The following PPFIA2 variants were observed in gnomAD, a reference collection of about 807,000 sequenced individuals.
The protein encoded by PPFIA2 is liprin-alpha-2.
PPFIA2 carries 46 observed loss-of-function variants against 175.5 expected under a neutral mutation model. That is an observed-to-expected ratio of 0.26 (90% CI 0.21 to 0.34). The LOEUF (loss-of-function observed/expected upper bound fraction) is 0.34. Among genes scored for constraint, PPFIA2 ranks in the 10% least tolerant of loss-of-function variants. PPFIA2 has a pLI of 1.00. For missense variants in PPFIA2, 1,179 were observed against 1,506.1 expected (o/e 0.78, Z 3.60); for synonymous variants, 568 against 511.4 (o/e 1.11, Z -1.49).
chr12:81,455,951 G>T (rs1385047252), intron 5 of PPFIA2, among the ~76,000 whole-genome samples: 3 of 152,072 alleles, frequency 2.0e-5, no homozygotes, highest in African/African-American at 7.2e-5. Flanking sequence ...AAAGGAGTAA[G>T]GGGCTGAAGA....
At chr12:81,694,132 G>A (rs1269020787) in intron 3 of PPFIA2, among the ~76,000 whole-genome samples, 2 of 152,084 alleles carry the variant, frequency 1.3e-5, no homozygotes, top group African/African-American at 4.8e-5. Flanking sequence ...AGAAAGAAAA[G>A]AGTTTTTATT....
At chr12:81,685,642 T>C (rs2074331400) in intron 3 of PPFIA2, among the ~76,000 whole-genome samples, 1 of 151,938 alleles carries the variant, frequency 6.6e-6, no homozygotes, top group African/African-American at 2.4e-5. Context: ...CTTTAAGGAT[T>C]TTTCAGTCCA....
intron 21 of PPFIA2, among the ~76,000 whole-genome samples, chr12:81,333,080 A>C (rs1000623731): frequency 2.0e-5 from 3 of 152,170 alleles, no homozygotes; most frequent in Non-Finnish European, 2.9e-5. Flanking sequence ...CAGTCCAATC[A>C]GCTTTCCAAT....
At chr12:81,702,429 T>G (rs1208296248) in intron 3 of PPFIA2, among the ~76,000 whole-genome samples, 1 of 152,188 alleles carries the variant, frequency 6.6e-6, no homozygotes. Context: ...ATCACTCCAG[T>G]GAAATCAATC....
intron 13 of PPFIA2, 47 bp downstream of exon 13, chr12:81,368,678 T>C: frequency 6.4e-7 from 1 of 1,560,726 alleles, no homozygotes; most frequent in Non-Finnish European, 8.7e-7. Context: ...AAAACAAACA[T>C]GAGCATTGCA....
At chr12:81,599,523 T>A (rs148913614) in intron 4 of PPFIA2, among the ~76,000 whole-genome samples, 1,579 of 152,136 alleles carry the variant, frequency 0.01, 31 homozygotes, top group African/African-American at 0.033. Flanking sequence ...AATTTCTGAT[T>A]TATAGAAAAT....
intron 22 of PPFIA2, among the ~76,000 whole-genome samples, chr12:81,315,374 G>T (rs2052083082): frequency 6.6e-6 from 1 of 151,816 alleles, no homozygotes; most frequent in Non-Finnish European, 1.5e-5. Flanking sequence ...GTGACCAAAT[G>T]AAAGTGGAGT....
At chr12:81,615,222 C>A (rs950646539) in intron 4 of PPFIA2, among the ~76,000 whole-genome samples, 2 of 152,070 alleles carry the variant, frequency 1.3e-5, no homozygotes, top group African/African-American at 4.8e-5. Context: ...TTGGCCTATG[C>A]AATGCAAGGA....
chr12:81,354,742 C>G (rs2060611501), intron 16 of PPFIA2, among the ~76,000 whole-genome samples: 1 of 152,010 alleles, frequency 6.6e-6, no homozygotes, highest in Non-Finnish European at 1.5e-5. Context: ...CACCCGAGCT[C>G]AAGCTATTCT....
chr12:81,497,239 T>C (rs1397908970), intron 4 of PPFIA2, among the ~76,000 whole-genome samples: 1 of 152,174 alleles, frequency 6.6e-6, no homozygotes, highest in Non-Finnish European at 1.5e-5. Context: ...ATTAAAATGA[T>C]AATAGAAGCA....
chr12:81,389,902 A>AT (rs1447389786), intron 8 of PPFIA2, among the ~76,000 whole-genome samples: 1 of 151,968 alleles, frequency 6.6e-6, no homozygotes, highest in East Asian at 1.9e-4. Flanking sequence ...TTAATCTCAC[A>AT]TTTTTTCACC....
intron 3 of PPFIA2, among the ~76,000 whole-genome samples, chr12:81,731,671 G>A (rs564156695): frequency 6.6e-6 from 1 of 151,692 alleles, no homozygotes; most frequent in South Asian, 2.1e-4. Context: ...TAATGTGAGG[G>A]TTCAGAAAAC....
At position 81,616,662 on chromosome 12, in the gene PPFIA2, T is replaced by G. The variant is rs2061445917; in HGVS notation, c.303+60129A>C. 2.0e-5 allele frequency among the ~76,000 whole-genome samples: 3 copies of G among 152,188 alleles called. No homozygotes were observed. The South Asian group carries it at 6.2e-4, about 31-fold the overall frequency. ...ATCATGGTAAATTATGGGCATACAT[T>G]AATTTCTTTAATTTGTCTTTCTCTA... On this transcript the variant is annotated intron_variant, in intron 4 of 32. Transcript: ENST00000549396.
chr12:81,273,658 A>G (rs2039752301), intron 28 of PPFIA2, among the ~76,000 whole-genome samples: 1 of 152,182 alleles, frequency 6.6e-6, no homozygotes, highest in Admixed American at 6.5e-5. Context: ...CTGAACATGT[A>G]TCAGCCTCAC....
chr12:81,596,559 GT>G (rs1188606753), intron 4 of PPFIA2, among the ~76,000 whole-genome samples: 3 of 152,034 alleles, frequency 2.0e-5, no homozygotes, highest in Non-Finnish European at 4.4e-5. Context: ...AAAGGTGTCA[GT>G]AAGATCTTTA....
chr12:81,481,381 G>T (rs2058197442), intron 4 of PPFIA2, among the ~76,000 whole-genome samples: 1 of 152,086 alleles, frequency 6.6e-6, no homozygotes, highest in African/African-American at 2.4e-5. Flanking sequence ...CACAGAATTA[G>T]AAAAAACTAC....
intron 4 of PPFIA2, among the ~76,000 whole-genome samples, chr12:81,468,603 T>C (rs2056175738): frequency 6.6e-6 from 1 of 152,170 alleles, no homozygotes; most frequent in Non-Finnish European, 1.5e-5. Flanking sequence ...TCTCCCAACA[T>C]AGCTCAACAA....
chr12:81,511,093 CA>C (rs544400664), intron 4 of PPFIA2, among the ~76,000 whole-genome samples: 1 of 151,836 alleles, frequency 6.6e-6, no homozygotes, highest in East Asian at 1.9e-4. Context: ...AGATACATAA[CA>C]AAAAAATCTG....
intron 4 of PPFIA2, among the ~76,000 whole-genome samples, chr12:81,460,880 G>T (rs1453473205): frequency 6.6e-6 from 1 of 152,034 alleles, no homozygotes; most frequent in Non-Finnish European, 1.5e-5. Context: ...ATTGTGCAAA[G>T]TTACACACCT....
Sources: allele counts gnomAD v4.1 joint callset (sites outside exome capture counted in the v4.1 genomes callset), GRCh38; gene constraint gnomAD v4.1.1; transcripts MANE v1.5; gene names NCBI Gene and HGNC (gene_info 2026-07-23, HGNC 2026-07-21).